Variants in HORMAD2 observed in about 807,000 individuals in gnomAD.
HORMAD2 encodes HORMA domain-containing protein 2.
HORMAD2 carries 45 observed loss-of-function variants against 38.8 expected under a neutral mutation model. The observed-to-expected ratio is 1.16, with a 90% CI of 0.91 to 1.49. HORMAD2 has a LOEUF of 1.49. Among genes scored for constraint, HORMAD2 ranks in the 40% most tolerant of loss-of-function variants. The pLI is 0.00. For synonymous variants in HORMAD2, 126 were observed against 122.8 expected (o/e 1.03, Z -0.17); for missense variants, 338 against 367.0 (o/e 0.92, Z 0.65).
intron 7 of HORMAD2, among the ~76,000 whole-genome samples, chr22:30,113,941 C>T (rs577738360): frequency 2.9e-4 from 44 of 152,296 alleles, no homozygotes; most frequent in Middle Eastern, 3.4e-3. Context: ...CCCCACCACA[C>T]TGTAAGTTTG....
At chr22:30,152,777 G>A (rs1337897898) in intron 10 of HORMAD2, among the ~76,000 whole-genome samples, 1 of 151,128 alleles carries the variant, frequency 6.6e-6, no homozygotes, top group Non-Finnish European at 1.5e-5. Context: ...ACCTCTAATT[G>A]TGGGCATCCC....
At chr22:30,175,352 C>T (rs1926392784) in intron 10 of HORMAD2, among the ~76,000 whole-genome samples, 1 of 87,766 alleles carries the variant, frequency 1.1e-5, no homozygotes, top group Admixed American at 1.2e-4. Context: ...CATTTTCCTT[C>T]CAAAGAAAAA....
rs1233116008 is a variant in HORMAD2 at position 30,119,003 on chromosome 22, C to T, written c.366C>T (p.Phe122=). The T allele has an allele frequency of 1.3e-6, 2 of 1,589,364 alleles. No individual in the cohort carries two copies. The highest frequency in any genetic ancestry group is 8.6e-7 in the Non-Finnish European group (1 of 1,166,960). ...GSEKVTEMYQ[F]KFKYTKEGAT... ...AGAAGGTGACTGAGATGTACCAGTT[C>T]AAATTCAAATACACGAAAGAAGGAG... The change falls in exon 8 of 11, where the codon TTC becomes TTT. Residue 122 remains phenylalanine, a synonymous_variant. Transcript: ENST00000336726.
intron 1 of HORMAD2, among the ~76,000 whole-genome samples, chr22:30,092,806 A>G (rs2068714901): frequency 6.6e-6 from 1 of 152,086 alleles, no homozygotes; most frequent in African/African-American, 2.4e-5. Flanking sequence ...GTAAATAGGC[A>G]GATTTATTTC....
intron 8 of HORMAD2, 89 bp downstream of exon 8, chr22:30,119,136 C>A: frequency 1.2e-6 from 1 of 817,042 alleles, no homozygotes; most frequent in Non-Finnish European, 2.0e-6. Context: ...CCTTATACTT[C>A]TTTACACATT....
the HORMAD2 span, among the ~76,000 whole-genome samples, chr22:30,196,495 C>T: frequency 1.3e-5 from 2 of 152,204 alleles, no homozygotes; most frequent in East Asian, 3.8e-4. Flanking sequence ...TCGCGGTGGC[C>T]AGCGTCAGCG....
chr22:30,090,522 T>C (rs2068663788), intron 1 of HORMAD2, among the ~76,000 whole-genome samples: 2 of 152,184 alleles, frequency 1.3e-5, no homozygotes, highest in Non-Finnish European at 2.9e-5. Flanking sequence ...CAAGTATCTG[T>C]TTGAGTCCCT....
chr22:30,206,668 A>C, the HORMAD2 span, among the ~76,000 whole-genome samples: 1 of 150,982 alleles, frequency 6.6e-6, no homozygotes, highest in African/African-American at 2.4e-5. Context: ...TTTTTGGAAA[A>C]ATGAAGTCTC....
At chr22:30,177,682 A>G (rs1926533513), downstream of HORMAD2, among the ~76,000 whole-genome samples, 1 of 151,200 alleles carries the variant, frequency 6.6e-6, no homozygotes, top group African/African-American at 2.4e-5. Context: ...GCAAATCAGT[A>G]AAGGCTATAG....
chr22:30,122,695 G>A (rs1922545931), intron 10 of HORMAD2, among the ~76,000 whole-genome samples: 1 of 152,080 alleles, frequency 6.6e-6, no homozygotes, highest in African/African-American at 2.4e-5. Flanking sequence ...CAAGCTTTGG[G>A]GCTAACTCAC....
intron 10 of HORMAD2, among the ~76,000 whole-genome samples, chr22:30,134,045 G>T (rs1923476163): frequency 6.6e-6 from 1 of 152,042 alleles, no homozygotes; most frequent in Non-Finnish European, 1.5e-5. Flanking sequence ...ATCACTAAAG[G>T]TATCATTTTG....
At chr22:30,088,478 T>C (rs549119673) in intron 1 of HORMAD2, among the ~76,000 whole-genome samples, 1 of 151,586 alleles carries the variant, frequency 6.6e-6, no homozygotes, top group Non-Finnish European at 1.5e-5. Context: ...ATTGCAAAAA[T>C]ATGGATGTAG....
chr22:30,205,505 C>T, the HORMAD2 span, among the ~76,000 whole-genome samples: 3 of 152,176 alleles, frequency 2.0e-5, no homozygotes, highest in Non-Finnish European at 4.4e-5. Flanking sequence ...CCATATCCTC[C>T]TCTCATTCCC....
At chr22:30,141,434 T>C (rs185087769) in intron 10 of HORMAD2, among the ~76,000 whole-genome samples, 58 of 152,304 alleles carry the variant, frequency 3.8e-4, no homozygotes, top group South Asian at 1.9e-3. Context: ...AGTTCTTTAG[T>C]TGTGATTTGT....
chr22:30,084,284 C>A (rs2068532310), intron 1 of HORMAD2, among the ~76,000 whole-genome samples: 1 of 152,138 alleles, frequency 6.6e-6, no homozygotes, highest in African/African-American at 2.4e-5. Context: ...AGGAAGGCAT[C>A]ACCTGGTAAG....
chr22:30,198,073 A>G, the HORMAD2 span, among the ~76,000 whole-genome samples: 1 of 151,940 alleles, frequency 6.6e-6, no homozygotes, highest in Non-Finnish European at 1.5e-5. Flanking sequence ...AATCCCAGCT[A>G]CTCCAGAAGC....
chr22:30,099,944 C>G (rs1027830001), intron 3 of HORMAD2, among the ~76,000 whole-genome samples: 1 of 152,162 alleles, frequency 6.6e-6, no homozygotes, highest in South Asian at 2.1e-4. Context: ...TAGGACTCAA[C>G]AAGTTTTCAA....
intron 10 of HORMAD2, among the ~76,000 whole-genome samples, chr22:30,138,083 T>G (rs1923793797): frequency 6.6e-6 from 1 of 152,190 alleles, no homozygotes; most frequent in South Asian, 2.1e-4. Context: ...TTGTCTCACT[T>G]TTTGATTCTA....
intron 10 of HORMAD2, among the ~76,000 whole-genome samples, chr22:30,169,850 C>G (rs891180780): frequency 1.3e-5 from 2 of 152,184 alleles, no homozygotes; most frequent in Admixed American, 6.5e-5. Context: ...TCATGTTTTA[C>G]TCCTTTCTTT....
Sources: gnomAD v4.1 joint callset for allele counts (sites outside exome capture counted in the v4.1 genomes callset) on GRCh38, gnomAD v4.1.1 for gene constraint, MANE v1.5 for transcripts, NCBI Gene and HGNC (gene_info 2026-07-23, HGNC 2026-07-21) for gene names.